PTPN9: variants seen among roughly 807,000 people sequenced by gnomAD.
The protein encoded by PTPN9 is protein tyrosine phosphatase non-receptor type 9.
Under a neutral mutation model 69.8 loss-of-function variants are expected in PTPN9, and 26 were observed. That is an observed-to-expected ratio of 0.37 (90% CI 0.27 to 0.52). The LOEUF is 0.52. PTPN9 is among the 20% of genes least tolerant of loss of function. PTPN9 has a pLI of 0.91. For synonymous variants in PTPN9, 274 were observed against 272.5 expected, an observed-to-expected ratio of 1.01 and a Z score of -0.05; for missense variants, 549 against 740.3, an observed-to-expected ratio of 0.74 and a Z score of 3.00.
intron 8 of PTPN9, 144 bp from the exon 9 acceptor site, chr15:75,480,058 A>AC (rs1467353991): frequency 3.5e-6 from 2 of 563,710 alleles, no homozygotes; most frequent in Non-Finnish European, 6.2e-6. Flanking sequence ...GCCAGCTCAA[A>AC]CCCTCACTTC....
chr15:75,495,049 A>T, intron 7 of PTPN9, among the ~76,000 whole-genome samples: 1 of 152,144 alleles, frequency 6.6e-6, no homozygotes, highest in Admixed American at 6.6e-5. Context: ...TAATAAATAG[A>T]TTGAGAAAGA....
intron 1 of PTPN9, among the ~76,000 whole-genome samples, chr15:75,564,916 A>C (rs1290696347): frequency 1.3e-5 from 2 of 151,882 alleles, no homozygotes; most frequent in Non-Finnish European, 2.9e-5. Context: ...AGCCTGACCA[A>C]CATGGTGAAA....
chr15:75,523,440 G>A lies in PTPN9; in HGVS notation c.298-195C>T, dbSNP rs146656816. Among the ~76,000 whole-genome samples, 3 of 152,130 alleles carry A rather than the reference G, an allele frequency of 2.0e-5. 1 individual carries two copies. The highest frequency in any genetic ancestry group is 7.2e-5 in the African/African-American group (3 of 41,496). On this transcript the variant is annotated intron_variant, in intron 3 of 12. Transcript: ENST00000618819. ...TGTCTGATTCTCCCAGGACTCCCTGGACCATATTTCTGTGGTAAGAAAAAA... is the reference window on the plus strand; with the variant it reads ...TGTCTGATTCTCCCAGGACTCCCTGAACCATATTTCTGTGGTAAGAAAAAA...
At chr15:75,546,444 C>T (rs2075033364) in intron 1 of PTPN9, among the ~76,000 whole-genome samples, 2 of 152,024 alleles carry the variant, frequency 1.3e-5, no homozygotes, top group Non-Finnish European at 2.9e-5. Context: ...GAGTTCAAGA[C>T]CAGCCTGGCT....
intron 1 of PTPN9, among the ~76,000 whole-genome samples, chr15:75,569,218 A>C (rs547491982): frequency 1.3e-5 from 2 of 152,322 alleles, no homozygotes; most frequent in East Asian, 3.9e-4. Flanking sequence ...AATCAGGGTT[A>C]GGTTCTATGA....
intron 2 of PTPN9, among the ~76,000 whole-genome samples, chr15:75,525,107 T>G (rs2074921823): frequency 6.6e-6 from 1 of 151,994 alleles, no homozygotes; most frequent in Non-Finnish European, 1.5e-5. Context: ...GGTTTAGGCC[T>G]CTCCTATGTT....
Position 75,468,790 on chromosome 15 carries a change from C to G in PTPN9, c.1761G>C (p.Leu587=). ...KEGMVSSGQN[L]LAVESQ ...AGAGTTACTGACTCTCCACGGCCAG[C>G]AGGTTTTGGCCAGAGGATACCATGC... The change falls in exon 13 of 13, where the codon CTG becomes CTC. Residue 587 remains leucine (L), a synonymous_variant. Transcript: ENST00000618819. 1 of 1,614,002 alleles carries G rather than the reference C, an allele frequency of 6.2e-7. No individual in the cohort carries two copies. Among genetic ancestry groups the G allele is most frequent in the East Asian group, 2.2e-5 (1 of 44,880 alleles).
In PTPN9 at chr15:75,490,204, C is replaced by T. The variant is rs200891179; in HGVS notation, c.1062+4G>A. The stretch of plus-strand genomic sequence containing the variant: ...ACCTAAAAAGATTACATTTATCTGT[C>T]TACCTGAGTATGGCCACTTCGCTTT... On this transcript the variant is annotated splice_donor_region_variant and intron_variant, in intron 8 of 12. Transcript: ENST00000618819. 2.9e-4 allele frequency: 456 copies of T among 1,595,582 alleles called. 4 individuals are homozygous for T. The East Asian group carries it at 0.01, about 35-fold the overall frequency.
intron 1 of PTPN9, among the ~76,000 whole-genome samples, chr15:75,539,491 AG>A (rs1344211443): frequency 6.7e-6 from 1 of 148,212 alleles, no homozygotes; most frequent in Non-Finnish European, 1.5e-5. Context: ...TGTTTTTAGT[AG>A]AGACGGGGTT....
intron 10 of PTPN9, among the ~76,000 whole-genome samples, chr15:75,472,909 C>T (rs745874687): frequency 8.6e-5 from 13 of 151,266 alleles, no homozygotes; most frequent in Non-Finnish European, 1.3e-4. Flanking sequence ...GATCGTGCCA[C>T]ACTGCACTCC....
chr15:75,483,563 C>T (rs1029163613), intron 8 of PTPN9, among the ~76,000 whole-genome samples: 7 of 152,102 alleles, frequency 4.6e-5, no homozygotes, highest in Admixed American at 2.0e-4. Context: ...AAATAGGTAG[C>T]GACTGCCAAG....
chr15:75,505,578 GTC>G, intron 7 of PTPN9, 95 bp downstream of exon 7: 1 of 854,628 alleles, frequency 1.2e-6, no homozygotes, highest in Non-Finnish European at 1.9e-6. Context: ...ATAAGGAAGG[GTC>G]TCTGCTAAGC....
At chr15:75,483,797 G>A (rs962672174) in intron 8 of PTPN9, among the ~76,000 whole-genome samples, 1 of 152,234 alleles carries the variant, frequency 6.6e-6, no homozygotes, top group Non-Finnish European at 1.5e-5. Flanking sequence ...ATGAAAGCAG[G>A]ATGTTGGCAA....
intron 5 of PTPN9, among the ~76,000 whole-genome samples, chr15:75,512,200 A>T (rs1180756076): frequency 6.6e-6 from 1 of 151,864 alleles, no homozygotes; most frequent in Non-Finnish European, 1.5e-5. Context: ...TTGGCTAAAG[A>T]TTATGAATAT....
At chr15:75,497,852 G>C (rs1053641992) in intron 7 of PTPN9, among the ~76,000 whole-genome samples, 3 of 150,518 alleles carry the variant, frequency 2.0e-5, no homozygotes, top group Non-Finnish European at 4.4e-5. Context: ...ATTAACAAGA[G>C]TCAGTGTTGA....
intron 4 of PTPN9, among the ~76,000 whole-genome samples, chr15:75,522,829 C>T (rs2074911162): frequency 6.6e-6 from 1 of 152,154 alleles, no homozygotes; most frequent in South Asian, 2.1e-4. Context: ...GGTCATCTCC[C>T]CCTCATTCTT....
chr15:75,550,448 G>A lies in PTPN9; in HGVS notation c.64-23187C>T, dbSNP rs575922265. On this transcript the variant is annotated intron_variant, in intron 1 of 12. Coordinates refer to ENST00000618819, the MANE Select transcript of PTPN9 (RefSeq NM_002833.4). The stretch of plus-strand genomic sequence containing the variant: ...CCCAAAGTGCTGGGATTACAGGCGT[G>A]AGCCACCATGCCCAACCAGTGGGGT... Among the ~76,000 whole-genome samples, 4 of 151,026 alleles carry A rather than the reference G, an allele frequency of 2.6e-5. No individual in the cohort carries two copies. The East Asian group carries it at 6.0e-4, about 23-fold the overall frequency.
chr15:75,465,287 A>G lies in PTPN9; in HGVS notation c.*3482T>C, dbSNP rs1321279295. On this transcript the variant is annotated 3_prime_UTR_variant, in exon 13 of 13. Coordinates refer to ENST00000618819, the MANE Select transcript of PTPN9 (RefSeq NM_002833.4). ...CCCGGGTAATTTTTATATTTTTAGT[A>G]GAGATGGGGTTTCATCATATTGGTC... 6.6e-6 allele frequency: 1 copy of G among 152,084 alleles called. No homozygotes were observed. Among genetic ancestry groups the G allele is most frequent in the African/African-American group, 2.4e-5 (1 of 41,390 alleles). 9.4% of individuals were successfully genotyped at this position (152,084 alleles called of 1,614,324 possible). A position where few individuals can be genotyped will look rare whatever the true frequency, so the allele number is the denominator to read the frequency against.
intron 1 of PTPN9, among the ~76,000 whole-genome samples, chr15:75,541,053 TG>T (rs2075006195): frequency 6.6e-6 from 1 of 151,854 alleles, no homozygotes; most frequent in African/African-American, 2.4e-5. Context: ...CACTTCAGCC[TG>T]GGTAACAGTG....
Sources: gnomAD v4.1 joint callset for allele counts (sites outside exome capture counted in the v4.1 genomes callset) on GRCh38, gnomAD v4.1.1 for gene constraint, MANE v1.5 for transcripts, NCBI Gene and HGNC (gene_info 2026-07-23, HGNC 2026-07-21) for gene names.